Variants in SHOC1 observed in about 807,000 individuals in gnomAD.
The protein encoded by SHOC1 is shortage in chiasmata 1, also known as protein shortage in chiasmata 1 ortholog.
In SHOC1, 136 loss-of-function variants were observed where a neutral mutation model predicts 179.2. The observed-to-expected ratio is 0.76, with a 90% CI of 0.66 to 0.87. The LOEUF is 0.87. SHOC1 is among the 40% of genes least tolerant of loss of function. SHOC1 has a pLI of 0.00. For synonymous variants in SHOC1, 489 were observed against 586.6 expected (o/e 0.83, Z 2.41); for missense variants, 1,538 against 1,700.8 (o/e 0.90, Z 1.68).
intron 20 of SHOC1, among the ~76,000 whole-genome samples, chr9:111,705,936 G>A (rs1461839516): frequency 7.2e-5 from 11 of 152,002 alleles, no homozygotes; most frequent in Non-Finnish European, 1.2e-4. Flanking sequence ...TATGGTGACC[G>A]TATTGTTAGA....
intron 8 of SHOC1, among the ~76,000 whole-genome samples, chr9:111,748,760 C>CCTTCTTTCCTTCCTTCCTT (rs34942063): frequency 8.5e-6 from 1 of 117,498 alleles, no homozygotes; most frequent in African/African-American, 3.1e-5. Flanking sequence ...TTCCTTCCTT[C>CCTTCTTTCCTTCCTTCCTT]CTTTCCTTCC....
chr9:111,791,449 C>T lies in SHOC1; in HGVS notation c.-31G>A. ...CTTTCTTTCAAAGCAGTGTAAATTTCAACATCTGGAAATACAAAAATTAAA... is the reference window on the plus strand; with the variant it reads ...CTTTCTTTCAAAGCAGTGTAAATTTTAACATCTGGAAATACAAAAATTAAA... On this transcript the variant is annotated 5_prime_UTR_variant, in exon 2 of 28. Coordinates refer to ENST00000682961, the MANE Select transcript of SHOC1 (RefSeq NM_001378211.1). 7.2e-7 allele frequency: 1 copy of T among 1,396,758 alleles called. No individual in the cohort carries two copies. Among genetic ancestry groups the T allele is most frequent in the Non-Finnish European group, 9.5e-7 (1 of 1,052,202 alleles). The allele number at this position is 1,396,758 out of a possible 1,614,324, so 86.5% of individuals were successfully genotyped here. A position where few individuals can be genotyped will look rare whatever the true frequency, so the allele number is the denominator to read the frequency against.
chr9:111,787,767 A>C (rs1026017438), intron 2 of SHOC1, among the ~76,000 whole-genome samples: 3 of 152,206 alleles, frequency 2.0e-5, no homozygotes, highest in Non-Finnish European at 4.4e-5. Context: ...CTGTGAGTAA[A>C]ATGCTATCAA....
At chr9:111,714,375 G>T in intron 17 of SHOC1, 70 bp downstream of exon 17, 1 of 1,520,454 alleles carries the variant, frequency 6.6e-7, no homozygotes, top group Non-Finnish European at 9.0e-7. Context: ...AAAGTTAAAT[G>T]CAAAAATGTA....
At chr9:111,744,385 A>G (rs1834172786) in intron 10 of SHOC1, among the ~76,000 whole-genome samples, 1 of 152,232 alleles carries the variant, frequency 6.6e-6, no homozygotes, top group African/African-American at 2.4e-5. Flanking sequence ...TTCATGATAG[A>G]ACTCTGTATA....
chr9:111,751,304 T>C (rs1176631089), intron 8 of SHOC1, among the ~76,000 whole-genome samples: 2 of 152,204 alleles, frequency 1.3e-5, no homozygotes, highest in African/African-American at 4.8e-5. Flanking sequence ...TCTTTTTGCT[T>C]AGGATTATCT....
Position 111,692,219 on chromosome 9 carries a change from C to G in SHOC1, c.3758G>C (p.Ser1253Thr), listed in dbSNP as rs763087928. The G allele has an allele frequency of 1.2e-6, 2 of 1,613,482 alleles. No individual in the cohort carries two copies. Among genetic ancestry groups the G allele is most frequent in the South Asian group, 2.2e-5 (2 of 91,076 alleles). Residue 1253 changes from serine to threonine, a missense_variant, in exon 27 of 28, where the codon AGC (serine) becomes ACC (threonine). Ser to Thr is a moderately conservative substitution (Grantham distance 58). Transcript: ENST00000682961. ...TTTACAGCTGGAGTCTTTCCAGTAG[C>G]TGGTCTGATTGTATGAAGTCACAGG... ...LPPVTSYNQT[S>T]YWKDSSCKSN...
At chr9:111,693,041 C>G (rs762098982) in intron 26 of SHOC1, among the ~76,000 whole-genome samples, 11 of 152,152 alleles carry the variant, frequency 7.2e-5, no homozygotes, top group Non-Finnish European at 1.2e-4. Context: ...GTTTATGGCT[C>G]ATGCCTGTAA....
rs140681026 is a variant in SHOC1, at chr9:111,793,177, C to T, written c.-37+1723G>A. ...GATTACAGGCGTGAGCCACCGCGCC[C>T]GGCCTGTCACTGATCTTTCAAGCAA... On this transcript the variant is annotated intron_variant, in intron 1 of 27. Transcript: ENST00000682961. Among the ~76,000 whole-genome samples, 35 of 152,302 alleles carry T rather than the reference C, an allele frequency of 2.3e-4. 1 individual carries two copies. The highest frequency in any genetic ancestry group is 7.7e-4 in the African/African-American group (32 of 41,568).
intron 5 of SHOC1, among the ~76,000 whole-genome samples, chr9:111,766,905 C>T (rs151138655): frequency 6.6e-6 from 1 of 152,290 alleles, no homozygotes; most frequent in East Asian, 1.9e-4. Context: ...AGCCACCACG[C>T]CTGGCCAGCT....
At chr9:111,768,424 T>C (rs1299619101) in intron 5 of SHOC1, among the ~76,000 whole-genome samples, 1 of 152,080 alleles carries the variant, frequency 6.6e-6, no homozygotes, top group Non-Finnish European at 1.5e-5. Flanking sequence ...GGTTTCACCA[T>C]GTCAGGCTGG....
At chr9:111,707,733 G>T (rs1832343057) in intron 19 of SHOC1, 122 bp downstream of exon 19, 5 of 676,908 alleles carry the variant, frequency 7.4e-6, no homozygotes, top group East Asian at 2.8e-5. Flanking sequence ...TTCAGGAAGA[G>T]GGTAGAGGCA....
intron 5 of SHOC1, chr9:111,759,321 A>G (rs748038383): frequency 6.4e-7 from 1 of 1,563,434 alleles, no homozygotes; most frequent in Non-Finnish European, 8.6e-7. Context: ...AGTGCCTACA[A>G]ATGAGACTGA....
chr9:111,706,775 G>T (rs781717683), intron 19 of SHOC1, 29 bp from the exon 20 acceptor site: 17 of 1,474,986 alleles, frequency 1.2e-5, no homozygotes, highest in Non-Finnish European at 1.4e-5. Context: ...CAAGAAAATG[G>T]CATTATACTT....
intron 14 of SHOC1, 146 bp from the exon 15 acceptor site, chr9:111,722,731 TATTTTA>T: frequency 5.8e-6 from 1 of 172,470 alleles, no homozygotes; most frequent in Non-Finnish European, 9.9e-6. Flanking sequence ...TATAAAAACT[TATTTTA>T]AGATATTTAT....
intron 19 of SHOC1, 77 bp downstream of exon 19, chr9:111,707,778 T>A: frequency 1.0e-6 from 1 of 965,486 alleles, no homozygotes; most frequent in Non-Finnish European, 1.6e-6. Flanking sequence ...ATTTTTAAAG[T>A]TAACTTCTAG....
chr9:111,769,236 G>C (rs763738731), intron 5 of SHOC1, among the ~76,000 whole-genome samples: 2 of 152,004 alleles, frequency 1.3e-5, no homozygotes, highest in Non-Finnish European at 2.9e-5. Context: ...TTGTGTCCTT[G>C]TCTGGTTTTG....
At chr9:111,790,925 A>G (rs1268698057) in intron 2 of SHOC1, among the ~76,000 whole-genome samples, 1 of 152,224 alleles carries the variant, frequency 6.6e-6, no homozygotes, top group Non-Finnish European at 1.5e-5. Flanking sequence ...TAAACAATCT[A>G]AGGATTACTG....
At position 111,694,212 on chromosome 9, in the gene SHOC1, A is replaced by G. The variant is rs760558923; in HGVS notation, c.3315+19T>C. The G allele has an allele frequency of 1.8e-5, 29 of 1,577,664 alleles. No individual in the cohort carries two copies. In the Admixed American group the frequency reaches 5.2e-4, roughly 28 times the overall value. On this transcript the variant is annotated intron_variant, in intron 25 of 27. Coordinates refer to ENST00000682961, the MANE Select transcript of SHOC1 (RefSeq NM_001378211.1). ...TATTTGCTTTGCAATTATCTATTTT[A>G]CACATTTAGAAAATATACCTCAGAT...
Sources: allele counts gnomAD v4.1 joint callset (sites outside exome capture counted in the v4.1 genomes callset), GRCh38; gene constraint gnomAD v4.1.1; transcripts MANE v1.5; gene names NCBI Gene and HGNC (gene_info 2026-07-23, HGNC 2026-07-21).